PPP1R36: variants seen among roughly 807,000 people sequenced by gnomAD.
The protein encoded by PPP1R36 is chromosome 14 open reading frame 50.
In PPP1R36, 47 loss-of-function variants were observed where a neutral mutation model predicts 53.4. That is an observed-to-expected ratio of 0.88 (90% CI 0.70 to 1.12). The LOEUF (loss-of-function observed/expected upper bound fraction) is 1.12. Among genes scored for constraint, PPP1R36 ranks in the 50% most tolerant of loss-of-function variants. PPP1R36 has a pLI of 0.00. For missense variants in PPP1R36, 456 were observed against 513.9 expected, an observed-to-expected ratio of 0.89 and a Z score of 1.09; for synonymous variants, 153 against 170.5, an observed-to-expected ratio of 0.90 and a Z score of 0.80.
At chr14:64,565,736 T>C (rs1249071875) in intron 6 of PPP1R36, 44 bp downstream of exon 6, 2 of 1,416,524 alleles carry the variant, frequency 1.4e-6, no homozygotes, top group East Asian at 4.5e-5. Flanking sequence ...TATCCTTTAT[T>C]TTTCAGTAAC....
At chr14:64,579,164 C>T (rs2080366547) in intron 8 of PPP1R36, among the ~76,000 whole-genome samples, 1 of 152,152 alleles carries the variant, frequency 6.6e-6, no homozygotes, top group Admixed American at 6.5e-5. Context: ...GTATTGTCTA[C>T]TGAGCTTAAT....
At chr14:64,556,762 A>ATGTGTGTG (rs369620598) in intron 3 of PPP1R36, among the ~76,000 whole-genome samples, 6,983 of 133,912 alleles carry the variant, frequency 0.052, 229 homozygotes, top group South Asian at 0.084. Context: ...TCTCCAAAAA[A>ATGTGTGTG]TGTGTGTGTG....
At chr14:64,581,766 G>T (rs866345950) in intron 8 of PPP1R36, among the ~76,000 whole-genome samples, 1 of 152,194 alleles carries the variant, frequency 6.6e-6, no homozygotes. Flanking sequence ...AGCAGTTTGG[G>T]TGCTGTTAAT....
chr14:64,566,877 G>C (rs2080262307), intron 6 of PPP1R36, among the ~76,000 whole-genome samples: 2 of 152,248 alleles, frequency 1.3e-5, no homozygotes, highest in Non-Finnish European at 2.9e-5. Context: ...TGGTGGAGGA[G>C]TTGATAGGTA....
intron 8 of PPP1R36, among the ~76,000 whole-genome samples, chr14:64,578,257 T>C (rs542469615): frequency 1.1e-4 from 16 of 152,288 alleles, no homozygotes; most frequent in Admixed American, 4.6e-4. Context: ...CTTGGCACTT[T>C]TTGTGTCTTT....
At chr14:64,587,093 G>C in intron 9 of PPP1R36, 101 bp from the exon 10 acceptor site, 2 of 938,940 alleles carry the variant, frequency 2.1e-6, no homozygotes, top group East Asian at 5.0e-5. Flanking sequence ...TGGGAAATTG[G>C]GTCATCTGGG....
At chr14:64,567,800 T>G (rs1480280182) in intron 6 of PPP1R36, among the ~76,000 whole-genome samples, 1 of 152,150 alleles carries the variant, frequency 6.6e-6, no homozygotes, top group Non-Finnish European at 1.5e-5. Context: ...TAGCTGGGAT[T>G]ACAGGGATGC....
At chr14:64,560,490 T>C (rs1186180407) in intron 3 of PPP1R36, among the ~76,000 whole-genome samples, 1 of 151,442 alleles carries the variant, frequency 6.6e-6, no homozygotes, top group African/African-American at 2.4e-5. Context: ...GGAAAATTGT[T>C]TGCGGGGAGA....
chr14:64,573,063 G>A (rs1464568600), intron 7 of PPP1R36, among the ~76,000 whole-genome samples: 1 of 152,052 alleles, frequency 6.6e-6, no homozygotes, highest in East Asian at 1.9e-4. Context: ...TATCAGAAGG[G>A]GCAGTCATTT....
In PPP1R36 at chr14:64,565,627, T is replaced by C; in HGVS notation, c.369T>C (p.Phe123=). The C allele has an allele frequency of 1.9e-6, 3 of 1,613,388 alleles. No homozygotes were observed. The highest frequency in any genetic ancestry group is 2.5e-6 in the Non-Finnish European group (3 of 1,179,304). ...QGTITLDDVK[F]VTLLLLQDTE... Reference sequence around the variant, plus strand: ...CAATTGTTCATTTTCTCTTTTCAGTTGTTACTTTGCTTTTGCTACAAGATA... The same window carrying C: ...CAATTGTTCATTTTCTCTTTTCAGTCGTTACTTTGCTTTTGCTACAAGATA... The change falls in exon 6 of 12, where the codon TTT becomes TTC. Residue 123 remains phenylalanine (F), a splice_region_variant and synonymous_variant. Coordinates refer to ENST00000298705, the MANE Select transcript of PPP1R36 (RefSeq NM_172365.3).
At chr14:64,561,723 T>C (rs1429951765) in intron 3 of PPP1R36, 1 of 454,920 alleles carries the variant, frequency 2.2e-6, no homozygotes, top group Non-Finnish European at 4.4e-6. Flanking sequence ...TCATCTAGGT[T>C]GGCCCATGAG....
chr14:64,565,036 C>T (rs2080238222), intron 4 of PPP1R36, among the ~76,000 whole-genome samples, 199 bp downstream of exon 4: 1 of 152,208 alleles, frequency 6.6e-6, no homozygotes, highest in African/African-American at 2.4e-5. Flanking sequence ...GTTAACTTGG[C>T]TGTTAGCACA....
chr14:64,574,464 A>G lies in PPP1R36; in HGVS notation c.543A>G (p.Val181=), dbSNP rs756040980. The change falls in exon 8 of 12, where the codon GTA becomes GTG. Residue 181 remains valine, a synonymous_variant. Transcript: ENST00000298705. ...KKPKSYMVGL[V]EKKEMELVLS... is the part of the protein sequence containing the mutation. Reference sequence around the variant, plus strand: ...TTGTCCTCCCCATCAGAGGCCTTGTAGAGAAAAAAGAAATGGAATTGGTTT... The same window carrying G: ...TTGTCCTCCCCATCAGAGGCCTTGTGGAGAAAAAAGAAATGGAATTGGTTT... 31 of 1,612,758 alleles carry G rather than the reference A, an allele frequency of 1.9e-5. No homozygotes were observed. The South Asian group carries it at 3.2e-4, about 17-fold the overall frequency.
intron 4 of PPP1R36, 44 bp downstream of exon 4, chr14:64,564,881 CTCAG>C: frequency 5.3e-6 from 7 of 1,331,756 alleles, no homozygotes; most frequent in Non-Finnish European, 7.4e-6. Context: ...GATAGCATCT[CTCAG>C]TGGAATGGCT....
chr14:64,577,117 T>C (rs370211290), intron 8 of PPP1R36, among the ~76,000 whole-genome samples: 84 of 152,322 alleles, frequency 5.5e-4, no homozygotes, highest in African/African-American at 1.9e-3. Context: ...CTCTTCTAGG[T>C]TGCAGACTGC....
At chr14:64,550,701 A>G (rs896573373) in intron 1 of PPP1R36, among the ~76,000 whole-genome samples, 1 of 152,084 alleles carries the variant, frequency 6.6e-6, no homozygotes, top group African/African-American at 2.4e-5. Flanking sequence ...CCTAAAATCA[A>G]TCAAAGCGAT....
chr14:64,551,725 C>G (rs2080094927), intron 2 of PPP1R36: 1 of 454,910 alleles, frequency 2.2e-6, no homozygotes, highest in Non-Finnish European at 4.4e-6. Flanking sequence ...CAAGATTTGT[C>G]TAATGCTAAA....
chr14:64,564,705 T>C (rs766105733), intron 3 of PPP1R36, 46 bp from the exon 4 acceptor site: 4 of 1,318,710 alleles, frequency 3.0e-6, no homozygotes, highest in Middle Eastern at 1.8e-4. Flanking sequence ...TGACTTGTTT[T>C]CCCCTGGAAA....
intron 8 of PPP1R36, among the ~76,000 whole-genome samples, chr14:64,583,682 C>G (rs528226543): frequency 6.6e-6 from 1 of 151,648 alleles, no homozygotes; most frequent in East Asian, 2.0e-4. Context: ...GGCGTGGTTG[C>G]GCATGTCTGT....
Sources: gnomAD v4.1 joint callset for allele counts (sites outside exome capture counted in the v4.1 genomes callset) on GRCh38, gnomAD v4.1.1 for gene constraint, MANE v1.5 for transcripts, NCBI Gene and HGNC (gene_info 2026-07-23, HGNC 2026-07-21) for gene names.